Variants in DPP6 observed in about 807,000 individuals in gnomAD.
The protein encoded by DPP6 is dipeptidyl peptidase like 6, also known as A-type potassium channel modulatory protein DPP6.
DPP6 carries 69 observed loss-of-function variants against 122.6 expected under a neutral mutation model. The ratio of observed to expected loss-of-function variants is 0.56; its 90% CI spans 0.46 to 0.69. DPP6 has a LOEUF of 0.69. DPP6 is among the 30% of genes least tolerant of loss of function. The probability of loss-of-function intolerance (pLI) is 0.00; values close to 1 mark genes in which losing one functional copy is unlikely to be tolerated. For missense variants in DPP6, 928 were observed against 1,116.9 expected (o/e 0.83, Z 2.41); for synonymous variants, 418 against 433.1 (o/e 0.97, Z 0.43).
intron 10 of DPP6, among the ~76,000 whole-genome samples, chr7:154,783,462 C>A (rs574764882): frequency 6.6e-6 from 1 of 152,134 alleles, no homozygotes; most frequent in African/African-American, 2.4e-5. Flanking sequence ...GGGAGCAGCG[C>A]GGGTCAGTGG....
At chr7:154,615,589 A>G (rs1265433316) in intron 5 of DPP6, among the ~76,000 whole-genome samples, 2 of 152,184 alleles carry the variant, frequency 1.3e-5, no homozygotes, top group East Asian at 3.8e-4. Context: ...TTGTATAACC[A>G]TCACCACTAT....
At chr7:154,612,116 A>T (rs1038584241) in intron 5 of DPP6, among the ~76,000 whole-genome samples, 1 of 152,090 alleles carries the variant, frequency 6.6e-6, no homozygotes, top group Non-Finnish European at 1.5e-5. Flanking sequence ...TCCTCCAGAG[A>T]CCCTTGACAG....
intron 10 of DPP6, among the ~76,000 whole-genome samples, chr7:154,784,309 T>G (rs1024561551): frequency 1.1e-4 from 17 of 152,108 alleles, no homozygotes; most frequent in African/African-American, 4.1e-4. Context: ...CGGCCCCAGC[T>G]GTGCGGACAC....
the DPP6 span, among the ~76,000 whole-genome samples, chr7:153,849,711 A>T: frequency 6.6e-6 from 1 of 152,150 alleles, no homozygotes; most frequent in Non-Finnish European, 1.5e-5. Flanking sequence ...GTTCTTTGAG[A>T]ATTCTTACAT....
At chr7:154,380,283 G>A (rs149937152) in intron 1 of DPP6, among the ~76,000 whole-genome samples, 13 of 152,322 alleles carry the variant, frequency 8.5e-5, no homozygotes, top group African/African-American at 2.9e-4. Context: ...GGAAACACAC[G>A]CTGAAGTATT....
chr7:154,126,781 T>A (rs1209127042), intron 1 of DPP6, among the ~76,000 whole-genome samples: 1 of 152,180 alleles, frequency 6.6e-6, no homozygotes, highest in East Asian at 1.9e-4. Context: ...AAAGGATTTG[T>A]ATGCCAAGAA....
chr7:154,112,984 T>C (rs1806704105), intron 1 of DPP6, among the ~76,000 whole-genome samples: 1 of 152,230 alleles, frequency 6.6e-6, no homozygotes, highest in Non-Finnish European at 1.5e-5. Context: ...TTTATCCTTC[T>C]GTGGTTGGTT....
At chr7:153,859,192 G>A in the DPP6 span, among the ~76,000 whole-genome samples, 1 of 152,182 alleles carries the variant, frequency 6.6e-6, no homozygotes. Context: ...CTGGTGATAG[G>A]CCAGGACCCT....
At chr7:153,953,518 C>T (rs1169620502) in intron 1 of DPP6, among the ~76,000 whole-genome samples, 1 of 152,254 alleles carries the variant, frequency 6.6e-6, no homozygotes, top group African/African-American at 2.4e-5. Context: ...ATGCCCAGGA[C>T]GTAGGGGATA....
the DPP6 span, among the ~76,000 whole-genome samples, chr7:153,848,203 T>C: frequency 6.6e-6 from 1 of 152,014 alleles, no homozygotes; most frequent in African/African-American, 2.4e-5. Context: ...ACAAAGGCTT[T>C]GAGTCAACAC....
intron 1 of DPP6, among the ~76,000 whole-genome samples, chr7:154,166,196 C>G (rs1182034847): frequency 2.0e-5 from 3 of 152,096 alleles, no homozygotes; most frequent in Admixed American, 6.6e-5. Flanking sequence ...ATTTGTCAAT[C>G]AGAGGTGCTC....
rs552730346 is a variant in DPP6, at chr7:154,105,490, T to C, written c.243+52427T>C. 2.2e-4 allele frequency among the ~76,000 whole-genome samples: 34 copies of C among 152,296 alleles called. No individual in the cohort carries two copies. In the East Asian group the frequency reaches 6.6e-3, roughly 29 times the overall value. On this transcript the variant is annotated intron_variant, in intron 1 of 25. Transcript: ENST00000377770. ...CAGCAGGCACCCACCACAGCCCTGTTTGAGGTCCTTTGAACTCACAGTTTT... is the reference window on the plus strand; with the variant it reads ...CAGCAGGCACCCACCACAGCCCTGTCTGAGGTCCTTTGAACTCACAGTTTT...
intron 3 of DPP6, among the ~76,000 whole-genome samples, chr7:154,485,393 C>T (rs1036623598): frequency 3.3e-5 from 5 of 152,082 alleles, no homozygotes; most frequent in Admixed American, 2.0e-4. Context: ...TGCTCAAGGT[C>T]GCACCTTTCC....
intron 1 of DPP6, among the ~76,000 whole-genome samples, chr7:154,329,508 G>A (rs2151034036): frequency 6.6e-6 from 1 of 152,346 alleles, no homozygotes. Flanking sequence ...CAGTTAGAAT[G>A]GCGATCATTA....
At chr7:154,165,469 G>A (rs1027431540) in intron 1 of DPP6, among the ~76,000 whole-genome samples, 24 of 150,236 alleles carry the variant, frequency 1.6e-4, no homozygotes, top group African/African-American at 4.0e-4. Context: ...ATAAACATAC[G>A]TGTGCATGTG....
chr7:154,148,423 G>A (rs577166278), intron 1 of DPP6, among the ~76,000 whole-genome samples: 4 of 151,110 alleles, frequency 2.6e-5, no homozygotes, highest in Non-Finnish European at 5.9e-5. Context: ...GGTGTTCCGC[G>A]CAGGCTCTGC....
chr7:154,611,781 C>T (rs1339377761), intron 5 of DPP6, among the ~76,000 whole-genome samples: 1 of 151,946 alleles, frequency 6.6e-6, no homozygotes, highest in Non-Finnish European at 1.5e-5. Flanking sequence ...TCTTGCACAA[C>T]TATAGTACAA....
chr7:154,479,715 AC>A lies in DPP6; in HGVS notation c.457+4679del, dbSNP rs555878658. ...ATACCTGTTATAACAACCGCATTGC[AC>A]TTCTTAACCTTTTGGAGCCCCTTTG... On this transcript the variant is annotated intron_variant, in intron 3 of 25. Transcript: ENST00000377770. Among the ~76,000 whole-genome samples the A allele has an allele frequency of 1.6e-3, 248 of 152,110 alleles. 1 individual carries two copies. The highest frequency in any genetic ancestry group is 4.3e-3 in the African/African-American group (180 of 41,520).
At chr7:154,156,110 G>A (rs1796665184) in intron 1 of DPP6, among the ~76,000 whole-genome samples, 1 of 152,086 alleles carries the variant, frequency 6.6e-6, no homozygotes, top group Admixed American at 6.5e-5. Flanking sequence ...CCCGCCCCAT[G>A]CATGAGTCAA....
Sources: gnomAD v4.1 joint callset for allele counts (sites outside exome capture counted in the v4.1 genomes callset) on GRCh38, gnomAD v4.1.1 for gene constraint, MANE v1.5 for transcripts, NCBI Gene and HGNC (gene_info 2026-07-23, HGNC 2026-07-21) for gene names.